TNNI3K: variants seen among roughly 807,000 people sequenced by gnomAD.
TNNI3K encodes serine/threonine-protein kinase TNNI3K.
In TNNI3K, 140 loss-of-function variants were observed where a neutral mutation model predicts 114.5. The observed-to-expected ratio is 1.22, with a 90% CI of 1.07 to 1.41. The LOEUF is 1.41. Among genes scored for constraint, TNNI3K ranks in the 40% most tolerant of loss-of-function variants. The pLI is 0.00. For synonymous variants in TNNI3K, 347 were observed against 347.5 expected (o/e 1.00, Z 0.02); for missense variants, 1,125 against 1,007.6 (o/e 1.12, Z -1.58).
At chr1:74,272,310 C>G (rs907584759) in intron 5 of TNNI3K, among the ~76,000 whole-genome samples, 2 of 151,578 alleles carry the variant, frequency 1.3e-5, no homozygotes, top group African/African-American at 4.8e-5. Context: ...GAAAATATTA[C>G]ATAATTTTAA....
intron 9 of TNNI3K, among the ~76,000 whole-genome samples, chr1:74,344,990 A>G (rs1660925336): frequency 6.6e-6 from 1 of 152,090 alleles, no homozygotes; most frequent in Non-Finnish European, 1.5e-5. Context: ...CACATATACA[A>G]ATATATATGT....
At position 74,370,274 on chromosome 1, in the gene TNNI3K, T is replaced by C; in HGVS notation, c.1668-14T>C. The C allele has an allele frequency of 6.3e-7, 1 of 1,579,662 alleles. No individual in the cohort carries two copies. The highest frequency in any genetic ancestry group is 8.6e-7 in the Non-Finnish European group (1 of 1,161,256). On this transcript the variant is annotated splice_polypyrimidine_tract_variant and intron_variant, in intron 16 of 24. Coordinates refer to ENST00000326637, the MANE Select transcript of TNNI3K (RefSeq NM_015978.3). Reference sequence around the variant, plus strand: ...GACCATTTCATCTCTGTTAAATCTATTTTTAAATTCTAGGATTCTTGATTT... The same window carrying C: ...GACCATTTCATCTCTGTTAAATCTACTTTTAAATTCTAGGATTCTTGATTT...
chr1:74,323,231 C>A (rs1213868222), intron 5 of TNNI3K, among the ~76,000 whole-genome samples: 4 of 152,096 alleles, frequency 2.6e-5, no homozygotes, highest in African/African-American at 9.7e-5. Flanking sequence ...TACTAGCTGG[C>A]CCCAAATAAT....
intron 20 of TNNI3K, among the ~76,000 whole-genome samples, chr1:74,449,409 A>C (rs1178469486): frequency 6.6e-6 from 1 of 151,830 alleles, no homozygotes; most frequent in Non-Finnish European, 1.5e-5. Context: ...CCTTTCAAAA[A>C]ACCAGCTCCT....
intron 17 of TNNI3K, among the ~76,000 whole-genome samples, chr1:74,398,357 G>A (rs560335807): frequency 2.0e-5 from 3 of 152,252 alleles, no homozygotes; most frequent in African/African-American, 7.2e-5. Flanking sequence ...AGAAGTTATT[G>A]GGGTCCCCAG....
At chr1:74,327,572 A>AAT (rs901156522) in intron 5 of TNNI3K, among the ~76,000 whole-genome samples, 7 of 146,020 alleles carry the variant, frequency 4.8e-5, no homozygotes, top group East Asian at 2.0e-4. Context: ...GTAGTTTTTT[A>AAT]ATATATATAT....
intron 9 of TNNI3K, chr1:74,345,753 G>A (rs1660968429): frequency 6.6e-6 from 1 of 152,148 alleles, no homozygotes; most frequent in Non-Finnish European, 1.5e-5. Flanking sequence ...GATAGCAAAA[G>A]CAGAGGTATG....
intron 4 of TNNI3K, among the ~76,000 whole-genome samples, chr1:74,258,634 T>G (rs1290663782): frequency 6.6e-6 from 1 of 152,198 alleles, no homozygotes; most frequent in Non-Finnish European, 1.5e-5. Flanking sequence ...AAATCTATGA[T>G]ATCATTGCTC....
At chr1:74,298,903 T>C (rs1326315103) in intron 5 of TNNI3K, among the ~76,000 whole-genome samples, 2 of 152,108 alleles carry the variant, frequency 1.3e-5, no homozygotes, top group African/African-American at 4.8e-5. Context: ...ATAAATAAGA[T>C]ACCAGTTGGC....
chr1:74,347,045 A>C (rs1290117122), intron 9 of TNNI3K, among the ~76,000 whole-genome samples: 2 of 151,886 alleles, frequency 1.3e-5, no homozygotes. Flanking sequence ...ACATGTGCAC[A>C]ACGGGCAGGT....
At chr1:74,513,269 G>A (rs1420642192) in intron 23 of TNNI3K, among the ~76,000 whole-genome samples, 1 of 152,130 alleles carries the variant, frequency 6.6e-6, no homozygotes, top group Non-Finnish European at 1.5e-5. Flanking sequence ...AATTATACCG[G>A]GATGTGGAAA....
intron 23 of TNNI3K, among the ~76,000 whole-genome samples, chr1:74,500,397 C>T (rs1669553464): frequency 6.6e-6 from 1 of 151,238 alleles, no homozygotes; most frequent in African/African-American, 2.4e-5. Flanking sequence ...GTCAGGAGAT[C>T]GAGACCATCC....
intron 21 of TNNI3K, chr1:74,469,633 C>A: frequency 3.2e-6 from 1 of 312,752 alleles, no homozygotes. Flanking sequence ...ACTTTTCTTA[C>A]TTGTTTTTTC....
chr1:74,535,432 T>G (rs1247741377), intron 23 of TNNI3K, among the ~76,000 whole-genome samples: 2 of 152,090 alleles, frequency 1.3e-5, no homozygotes, highest in African/African-American at 4.8e-5. Flanking sequence ...ATTGCATCAC[T>G]GCAATCCAGC....
chr1:74,536,402 T>C (rs1646660953), intron 23 of TNNI3K, among the ~76,000 whole-genome samples: 1 of 152,170 alleles, frequency 6.6e-6, no homozygotes, highest in African/African-American at 2.4e-5. Context: ...CACTAGGACA[T>C]CTATACCCCT....
At chr1:74,431,523 G>T (rs931004617) in intron 17 of TNNI3K, among the ~76,000 whole-genome samples, 1 of 151,982 alleles carries the variant, frequency 6.6e-6, no homozygotes, top group East Asian at 1.9e-4. Context: ...CTTAGCCTTC[G>T]CAGCAGAGAT....
intron 20 of TNNI3K, among the ~76,000 whole-genome samples, chr1:74,444,045 C>T (rs775753629): frequency 5.3e-5 from 8 of 152,234 alleles, no homozygotes; most frequent in East Asian, 1.9e-4. Flanking sequence ...ATACCCACAG[C>T]GAATATCATA....
In TNNI3K at chr1:74,250,904, CTTCT is replaced by C. The variant is rs1268916407; in HGVS notation, c.333+140_333+143del. On this transcript the variant is annotated intron_variant, in intron 4 of 24. Coordinates refer to ENST00000326637, the MANE Select transcript of TNNI3K (RefSeq NM_015978.3). ...CCAGAGGCGTTACATTACTAAAGGA[CTTCT>C]TTCTCTTTATTGAGCAGATACCTGC... is the stretch of plus-strand genomic sequence containing the variant. 51 of 651,830 alleles carry C rather than the reference CTTCT, an allele frequency of 7.8e-5. No individual in the cohort carries two copies. In the Admixed American group the frequency reaches 1.5e-3, roughly 19 times the overall value. 40.4% of individuals were successfully genotyped at this position (651,830 alleles called of 1,614,324 possible).
At chr1:74,382,220 G>T (rs1663239801) in intron 17 of TNNI3K, among the ~76,000 whole-genome samples, 1 of 152,108 alleles carries the variant, frequency 6.6e-6, no homozygotes. Flanking sequence ...TTCTATTCAT[G>T]TTCTTACTGT....
Sources: gnomAD v4.1 joint callset for allele counts (sites outside exome capture counted in the v4.1 genomes callset) on GRCh38, gnomAD v4.1.1 for gene constraint, MANE v1.5 for transcripts, NCBI Gene and HGNC (gene_info 2026-07-23, HGNC 2026-07-21) for gene names.